Variants in RBFOX1 observed in about 807,000 individuals in gnomAD.
RBFOX1 encodes the protein RNA binding protein fox-1 homolog 1.
A neutral mutation model predicts 57.7 loss-of-function variants in RBFOX1; 8 were observed. The ratio of observed to expected loss-of-function variants is 0.14; its 90% CI spans 0.08 to 0.25. The LOEUF (loss-of-function observed/expected upper bound fraction) is 0.25. RBFOX1 is among the 10% of genes least tolerant of loss of function. The pLI, the probability that RBFOX1 is intolerant of heterozygous loss-of-function variation, is 1.00. For synonymous variants in RBFOX1, 326 were observed against 222.4 expected (o/e 1.47, Z -4.15); for missense variants, 611 against 548.5 (o/e 1.11, Z -1.14).
At chr16:6,873,660 G>A (rs562200154) in intron 3 of RBFOX1, among the ~76,000 whole-genome samples, 1 of 152,126 alleles carries the variant, frequency 6.6e-6, no homozygotes, top group Non-Finnish European at 1.5e-5. Flanking sequence ...GCATTCATAG[G>A]TTTAGAAGGA....
chr16:5,522,233 T>C (rs2044049889), intron 2 of RBFOX1, among the ~76,000 whole-genome samples: 1 of 152,208 alleles, frequency 6.6e-6, no homozygotes, highest in African/African-American at 2.4e-5. Context: ...TTTTATTGCA[T>C]GGCCATGGAC....
chr16:7,325,056 G>A (rs961946539), intron 4 of RBFOX1, among the ~76,000 whole-genome samples: 1 of 152,190 alleles, frequency 6.6e-6, no homozygotes, highest in Non-Finnish European at 1.5e-5. Flanking sequence ...GCATTTGTTA[G>A]CACGCTTTCA....
intron 3 of RBFOX1, among the ~76,000 whole-genome samples, chr16:6,852,517 C>A (rs897289106): frequency 6.6e-6 from 1 of 152,202 alleles, no homozygotes; most frequent in Admixed American, 6.5e-5. Flanking sequence ...GGAACAATTC[C>A]TTGTGTCTCA....
At chr16:6,351,041 C>T (rs976967216) in intron 2 of RBFOX1, among the ~76,000 whole-genome samples, 2 of 152,128 alleles carry the variant, frequency 1.3e-5, no homozygotes, top group African/African-American at 4.8e-5. Flanking sequence ...CTTATCCTTT[C>T]AGTTTTCTCC....
rs114892259 is a variant in RBFOX1, at chr16:5,926,224, A to G, written c.351+58889A>G. On this transcript the variant is annotated intron_variant, in intron 4 of 19. Transcript: ENST00000641259. ...ATGAGATATGCGTATAATTACCCAT[A>G]TGACACTTTGGCAAAACCCAGGTCT... Among the ~76,000 whole-genome samples the G allele has an allele frequency of 3.6e-3, 547 of 152,328 alleles. 3 individuals are homozygous for G. The highest frequency in any genetic ancestry group is 0.013 in the African/African-American group (529 of 41,566).
intron 13 of RBFOX1, among the ~76,000 whole-genome samples, chr16:7,673,751 A>G (rs1183274769): frequency 1.3e-5 from 2 of 152,202 alleles, no homozygotes; most frequent in Non-Finnish European, 2.9e-5. Flanking sequence ...TTACATTTAT[A>G]TTTTGCTGCC....
At chr16:5,492,028 C>T (rs1185176482) in intron 2 of RBFOX1, among the ~76,000 whole-genome samples, 3 of 152,146 alleles carry the variant, frequency 2.0e-5, no homozygotes, top group Non-Finnish European at 2.9e-5. Context: ...GGCCCCAGAC[C>T]AGCAGTATCA....
chr16:5,635,519 T>C (rs1014408484), intron 3 of RBFOX1, among the ~76,000 whole-genome samples: 1 of 152,172 alleles, frequency 6.6e-6, no homozygotes, highest in African/African-American at 2.4e-5. Flanking sequence ...GACAAATGTG[T>C]TGAGATGTGA....
At chr16:6,593,433 A>C (rs1038951752) in intron 2 of RBFOX1, among the ~76,000 whole-genome samples, 1 of 152,116 alleles carries the variant, frequency 6.6e-6, no homozygotes, top group Non-Finnish European at 1.5e-5. Context: ...CCCAAGAGGA[A>C]ATATTCAGTT....
At chr16:5,730,732 T>A (rs560775339) in intron 3 of RBFOX1, among the ~76,000 whole-genome samples, 1 of 152,138 alleles carries the variant, frequency 6.6e-6, no homozygotes, top group East Asian at 1.9e-4. Flanking sequence ...ATCATCACCA[T>A]CAACATTGCC....
intron 1 of RBFOX1, among the ~76,000 whole-genome samples, chr16:5,282,223 G>T (rs543181457): frequency 1.3e-5 from 2 of 152,222 alleles, no homozygotes; most frequent in South Asian, 4.2e-4. Context: ...CTTGACTTCC[G>T]CAATGATTTT....
chr16:6,383,630 G>A (rs142971038), intron 2 of RBFOX1, among the ~76,000 whole-genome samples: 21 of 152,138 alleles, frequency 1.4e-4, no homozygotes, highest in South Asian at 2.1e-4. Flanking sequence ...AAAATTAGCC[G>A]CGTATGGTGT....
At chr16:5,987,691 G>A (rs2060309314) in intron 4 of RBFOX1, among the ~76,000 whole-genome samples, 2 of 152,202 alleles carry the variant, frequency 1.3e-5, no homozygotes, top group South Asian at 4.2e-4. Flanking sequence ...TGCAGCCCAG[G>A]CAACATAGCA....
At chr16:6,228,699 G>T (rs2097435441) in intron 1 of RBFOX1, among the ~76,000 whole-genome samples, 1 of 152,134 alleles carries the variant, frequency 6.6e-6, no homozygotes, top group Non-Finnish European at 1.5e-5. Flanking sequence ...AAAATTTCAG[G>T]TAGGCGGGAG....
intron 3 of RBFOX1, among the ~76,000 whole-genome samples, chr16:7,001,872 T>C (rs977059212): frequency 1.3e-5 from 2 of 152,216 alleles, no homozygotes; most frequent in African/African-American, 2.4e-5. Flanking sequence ...TCAACTTTTC[T>C]TATTAAGTGG....
intron 3 of RBFOX1, among the ~76,000 whole-genome samples, chr16:7,014,560 C>G (rs1480029108): frequency 1.3e-5 from 2 of 152,056 alleles, no homozygotes; most frequent in African/African-American, 2.4e-5. Context: ...GAGTGAGACA[C>G]TGCACCCCGT....
chr16:7,281,350 A>C (rs759507673), intron 4 of RBFOX1, among the ~76,000 whole-genome samples: 8 of 151,648 alleles, frequency 5.3e-5, no homozygotes, highest in Non-Finnish European at 8.8e-5. Flanking sequence ...GTAGTTTAGC[A>C]TACATTTGGA....
chr16:7,429,149 T>G (rs986449870), intron 4 of RBFOX1, among the ~76,000 whole-genome samples: 1 of 152,142 alleles, frequency 6.6e-6, no homozygotes, highest in African/African-American at 2.4e-5. Context: ...TCTCCTGATG[T>G]GAACACTGTG....
At chr16:5,435,107 A>T (rs1467450187) in intron 1 of RBFOX1, among the ~76,000 whole-genome samples, 1 of 152,238 alleles carries the variant, frequency 6.6e-6, no homozygotes, top group African/African-American at 2.4e-5. Flanking sequence ...TAGACTGAAG[A>T]GTAGGAAATG....
Sources: allele counts gnomAD v4.1 joint callset (sites outside exome capture counted in the v4.1 genomes callset), GRCh38; gene constraint gnomAD v4.1.1; transcripts MANE v1.5; gene names NCBI Gene and HGNC (gene_info 2026-07-23, HGNC 2026-07-21).